The following DENND3 variants were observed in gnomAD, a reference collection of about 807,000 sequenced individuals.
DENND3 encodes DENN domain containing 3, also known as DENN domain-containing protein 3.
Under a neutral mutation model 135.1 loss-of-function variants are expected in DENND3, and 88 were observed. The ratio of observed to expected loss-of-function variants is 0.65; its 90% CI spans 0.55 to 0.78. The LOEUF is 0.78. DENND3 is among the 30% of genes least tolerant of loss of function. The probability of loss-of-function intolerance (pLI) is 0.00; values close to 1 mark genes in which losing one functional copy is unlikely to be tolerated. For missense variants in DENND3, 1,392 were observed against 1,688.4 expected (o/e 0.82, Z 3.08); for synonymous variants, 693 against 712.3 (o/e 0.97, Z 0.43).
At chr8:141,162,239 T>G (rs1370349296) in intron 9 of DENND3, among the ~76,000 whole-genome samples, 3 of 152,252 alleles carry the variant, frequency 2.0e-5, no homozygotes, top group Non-Finnish European at 4.4e-5. Flanking sequence ...CTAAATATGT[T>G]GTTTTCCTTT....
chr8:141,141,495 C>T lies in DENND3; in HGVS notation c.623+171C>T. 1.3e-6 allele frequency: 1 copy of T among 742,272 alleles called. No individual in the cohort carries two copies. The highest frequency in any genetic ancestry group is 1.8e-5 in the South Asian group (1 of 54,202). 46.0% of individuals were successfully genotyped at this position (742,272 alleles called of 1,614,324 possible). On this transcript the variant is annotated intron_variant, in intron 4 of 22. Coordinates refer to ENST00000519811, the MANE Select transcript of DENND3 (RefSeq NM_001352890.3). The surrounding 1 kb of genome is among the most constrained non-coding windows in gnomAD (Gnocchi z 5.3). ...CAGTAGGAGGGGCAGTTCTCTGTGC[C>T]TCTTAGGCTGTTGCTTAAGGCTGGG...
intron 8 of DENND3, chr8:141,158,300 T>A: frequency 7.8e-7 from 1 of 1,282,990 alleles, no homozygotes; most frequent in Non-Finnish European, 1.0e-6. Flanking sequence ...AAGCCACAGC[T>A]GCTTCCTTGA....
chr8:141,146,005 C>T lies in DENND3; in HGVS notation c.735+1746C>T, dbSNP rs1025574000. Among the ~76,000 whole-genome samples the T allele has an allele frequency of 3.3e-5, 5 of 151,364 alleles. No individual in the cohort carries two copies. The highest frequency in any genetic ancestry group is 7.3e-5 in the African/African-American group (3 of 41,224). ...CTGGGATTACAGGCGCGTGCCACCA[C>T]GCTGGCTAATTTTTTGTATTTTTAG... On this transcript the variant is annotated intron_variant, in intron 5 of 22. Transcript: ENST00000519811. This position sits in a 1 kb window ranked among gnomAD's most constrained non-coding sequence, Gnocchi z 4.3.
At chr8:141,159,611 C>A (rs969174600) in intron 8 of DENND3, among the ~76,000 whole-genome samples, 3 of 152,260 alleles carry the variant, frequency 2.0e-5, no homozygotes, top group Non-Finnish European at 4.4e-5. Flanking sequence ...CAGGCAGGGG[C>A]TTGGCCTGTG....
intron 8 of DENND3, chr8:141,157,921 G>A (rs1339476746): frequency 1.0e-5 from 9 of 892,958 alleles, no homozygotes; most frequent in Middle Eastern, 5.3e-4. Context: ...GACCATGCCC[G>A]ACTAATTTTT....
At position 141,141,054 on chromosome 8, in the gene DENND3, C is replaced by A; in HGVS notation, c.502-149C>A. 1.6e-6 allele frequency: 2 copies of A among 1,242,128 alleles called. No homozygotes were observed. Among genetic ancestry groups the A allele is most frequent in the Non-Finnish European group, 2.3e-6 (2 of 880,032 alleles). The allele number at this position is 1,242,128 out of a possible 1,614,324, so 76.9% of individuals were successfully genotyped here. A position where few individuals can be genotyped will look rare whatever the true frequency, so the allele number is the denominator to read the frequency against. On this transcript the variant is annotated intron_variant, in intron 3 of 22. Coordinates refer to ENST00000519811, the MANE Select transcript of DENND3 (RefSeq NM_001352890.3). The surrounding 1 kb of genome is among the most constrained non-coding windows in gnomAD (Gnocchi z 5.3). ...CAAATAGGGACCCCGTAGACTTCGACCGGAGGGCCGGTGCTGGCTTGGACG... is the reference window on the plus strand; with the variant it reads ...CAAATAGGGACCCCGTAGACTTCGAACGGAGGGCCGGTGCTGGCTTGGACG...
In DENND3 at chr8:141,130,561, G is replaced by T. The variant is rs1353023209; in HGVS notation, c.102+1752G>T. Reference sequence around the variant, plus strand: ...AAGAAAATAAGGAGCGTTAGGGGATGGATTCCATTTCTTGGAGCCATCCTA... The same window carrying T: ...AAGAAAATAAGGAGCGTTAGGGGATTGATTCCATTTCTTGGAGCCATCCTA... On this transcript the variant is annotated intron_variant, in intron 1 of 22. Coordinates refer to ENST00000519811, the MANE Select transcript of DENND3 (RefSeq NM_001352890.3). The surrounding 1 kb of genome is among the most constrained non-coding windows in gnomAD (Gnocchi z 4.2). 6.6e-6 allele frequency among the ~76,000 whole-genome samples: 1 copy of T among 152,048 alleles called. No homozygotes were observed. The highest frequency in any genetic ancestry group is 1.5e-5 in the Non-Finnish European group (1 of 68,018).
chr8:141,147,054 C>T (rs1191892178), intron 5 of DENND3, among the ~76,000 whole-genome samples: 1 of 152,188 alleles, frequency 6.6e-6, no homozygotes, highest in Non-Finnish European at 1.5e-5. Context: ...TGACTCTCGG[C>T]TCCTTCATCT....
chr8:141,175,023 G>A lies in DENND3; in HGVS notation c.2276-177G>A, dbSNP rs115507316. On this transcript the variant is annotated intron_variant, in intron 13 of 22. Coordinates refer to ENST00000519811, the MANE Select transcript of DENND3 (RefSeq NM_001352890.3). The surrounding 1 kb of genome is among the most constrained non-coding windows in gnomAD (Gnocchi z 5.4). ...TCCCTTGACAGCTGGACACACCTGG[G>A]CTGCAGGGAAGGCCCTGGGAAACCT... is the stretch of plus-strand genomic sequence containing the variant. Among the ~76,000 whole-genome samples, 2 of 152,180 alleles carry A rather than the reference G, an allele frequency of 1.3e-5. No homozygotes were observed. The highest frequency in any genetic ancestry group is 4.8e-5 in the African/African-American group (2 of 41,440).
intron 1 of DENND3, among the ~76,000 whole-genome samples, chr8:141,132,100 C>T (rs978581033): frequency 6.6e-6 from 1 of 152,150 alleles, no homozygotes; most frequent in Admixed American, 6.5e-5. Flanking sequence ...TGAGTTGACA[C>T]ATGCTGTGAT....
chr8:141,192,799 G>A (rs755256013), intron 22 of DENND3, 136 bp downstream of exon 22: 1 of 1,580,422 alleles, frequency 6.3e-7, no homozygotes, highest in Non-Finnish European at 8.5e-7. Flanking sequence ...CCTCCTAACA[G>A]GCACGTGCAG....
Position 141,141,358 on chromosome 8 carries a change from G to A in DENND3, c.623+34G>A, listed in dbSNP as rs1402392523. 6.2e-7 allele frequency: 1 copy of A among 1,610,692 alleles called. No homozygotes were observed. The highest frequency in any genetic ancestry group is 2.2e-5 in the East Asian group (1 of 44,846). On this transcript the variant is annotated intron_variant, in intron 4 of 22. Transcript: ENST00000519811. This position sits in a 1 kb window ranked among gnomAD's most constrained non-coding sequence, Gnocchi z 5.3. ...GGGCACCGGGGGCCAGGGGTGGTAG[G>A]GGGCAGCTCTTTGTGCCTCTCCAGG...
rs34600380 is a variant in DENND3, at chr8:141,187,259, A to AT, written c.3085-1714dup. ...TATATATTAGGCATTGGCTGGTACC[A>AT]TTTTTTTTTTTTTGACAGGGTCCCT... On this transcript the variant is annotated intron_variant, in intron 18 of 22. Transcript: ENST00000519811. 1.7e-3 allele frequency among the ~76,000 whole-genome samples: 245 copies of AT among 144,372 alleles called. 2 individuals carry two copies. Among genetic ancestry groups the AT allele is most frequent in the South Asian group, 5.7e-3 (26 of 4,574 alleles). 94.7% of individuals were successfully genotyped at this position (144,372 alleles called of 152,430 possible).
At chr8:141,160,526 G>T (rs1820008231) in intron 8 of DENND3, 106 bp from the exon 9 acceptor site, 14 of 1,327,132 alleles carry the variant, frequency 1.1e-5, no homozygotes, top group Non-Finnish European at 1.4e-5. Context: ...TTATTGATCG[G>T]TATTTGTGTC....
rs367774997 is a variant in DENND3, at chr8:141,131,467, C to G, written c.102+2658C>G. Among the ~76,000 whole-genome samples, 23 of 152,312 alleles carry G rather than the reference C, an allele frequency of 1.5e-4. No homozygotes were observed. In the East Asian group the frequency reaches 2.7e-3, roughly 18 times the overall value. On this transcript the variant is annotated intron_variant, in intron 1 of 22. Transcript: ENST00000519811. Reference sequence around the variant, plus strand: ...GAACAGCACTGGCCAGCTGGCCTTCCTGGGTGATGGCAGTTCGTGTCCTCT... The same window carrying G: ...GAACAGCACTGGCCAGCTGGCCTTCGTGGGTGATGGCAGTTCGTGTCCTCT...
chr8:141,189,985 C>A (rs116659716), intron 19 of DENND3, among the ~76,000 whole-genome samples: 304 of 152,316 alleles, frequency 2.0e-3, no homozygotes, highest in African/African-American at 7.0e-3. Context: ...CTCATTGAGC[C>A]TGCGGCCCGC....
In DENND3 at chr8:141,136,613, C is replaced by T. The variant is rs752129029; in HGVS notation, c.207C>T (p.Ala69=). The change falls in exon 2 of 23, where the codon GCC becomes GCT. Residue 69 remains alanine, a synonymous_variant. Transcript: ENST00000519811. ...TCAGTAAAGAGGACAGTCAAATGGC[C>T]GGTGCCAACTGCGGCACTCTCGGTA... ...PFISKEDSQM[A]GANCGTLGKT... is the part of the protein sequence containing the mutation. 2.4e-5 allele frequency: 39 copies of T among 1,605,444 alleles called. No individual in the cohort carries two copies. Among genetic ancestry groups the T allele is most frequent in the African/African-American group, 1.6e-4 (12 of 74,934 alleles).
rs1822208356 is a variant in DENND3 at position 141,175,490 on chromosome 8, C to A, written c.2535+31C>A. ...GACAGCACAGGCAGACGGCGCCAGA[C>A]CCCACCTGTGTTTAGGAGACAGATG... On this transcript the variant is annotated intron_variant, in intron 14 of 22. Transcript: ENST00000519811. This position sits in a 1 kb window ranked among gnomAD's most constrained non-coding sequence, Gnocchi z 5.4. 2 of 1,613,674 alleles carry A rather than the reference C, an allele frequency of 1.2e-6. No individual in the cohort carries two copies. The highest frequency in any genetic ancestry group is 1.7e-6 in the Non-Finnish European group (2 of 1,179,942).
At chr8:141,151,533 C>T in intron 6 of DENND3, 86 bp from the exon 7 acceptor site, 1 of 1,319,912 alleles carries the variant, frequency 7.6e-7, no homozygotes, top group Non-Finnish European at 1.1e-6. Context: ...TGCACTCCAG[C>T]CTGGGCTGGG....
Sources: gnomAD v4.1 joint callset for allele counts (sites outside exome capture counted in the v4.1 genomes callset) on GRCh38, gnomAD v4.1.1 for gene constraint, Gnocchi (gnomAD v3.1) non-coding constraint, MANE v1.5 for transcripts, NCBI Gene and HGNC (gene_info 2026-07-23, HGNC 2026-07-21) for gene names.